ERG: variants seen among roughly 807,000 people sequenced by gnomAD.
ERG encodes the protein transcriptional regulator ERG.
In ERG, 9 loss-of-function variants were observed where a neutral mutation model predicts 55.3. The observed-to-expected ratio is 0.16, with a 90% CI of 0.10 to 0.28. The LOEUF (loss-of-function observed/expected upper bound fraction) is 0.28. ERG is among the 10% of genes least tolerant of loss of function. The pLI is 1.00. For missense variants in ERG, 434 were observed against 631.6 expected (o/e 0.69, Z 3.35); for synonymous variants, 223 against 237.3 (o/e 0.94, Z 0.55).
intron 1 of ERG, among the ~76,000 whole-genome samples, chr21:38,633,514 A>T (rs948968460): frequency 6.6e-6 from 1 of 152,340 alleles, no homozygotes; most frequent in East Asian, 1.9e-4. Flanking sequence ...CTCAAATGTC[A>T]TCGTTATCAA....
chr21:38,401,989 A>G (rs766816341), intron 5 of ERG, among the ~76,000 whole-genome samples: 5 of 152,250 alleles, frequency 3.3e-5, no homozygotes, highest in Non-Finnish European at 7.3e-5. Flanking sequence ...CTCCAAAATT[A>G]TAGCAGAGGT....
intron 2 of ERG, among the ~76,000 whole-genome samples, chr21:38,558,013 T>C (rs116787686): frequency 0.012 from 1,788 of 152,194 alleles, 42 homozygotes; most frequent in African/African-American, 0.041. Context: ...TTTAATTTTA[T>C]CATCTTTTGC....
chr21:38,483,309 T>C (rs1230448297), intron 1 of ERG, among the ~76,000 whole-genome samples: 1 of 152,192 alleles, frequency 6.6e-6, no homozygotes, highest in East Asian at 1.9e-4. Flanking sequence ...AAAAAAAGAA[T>C]GTGTAACCAT....
intron 1 of ERG, among the ~76,000 whole-genome samples, chr21:38,590,853 C>G (rs1214443342): frequency 6.6e-6 from 1 of 152,238 alleles, no homozygotes; most frequent in Non-Finnish European, 1.5e-5. Context: ...CCAACTCCCC[C>G]ATTGCCTTGC....
At chr21:38,582,973 T>A (rs2060039468) in intron 1 of ERG, among the ~76,000 whole-genome samples, 3 of 152,378 alleles carry the variant, frequency 2.0e-5, no homozygotes, top group Admixed American at 2.0e-4. Context: ...CTAATTTTCA[T>A]AAGAGCCCTT....
chr21:38,559,774 C>T (rs192070797), intron 2 of ERG, among the ~76,000 whole-genome samples: 4 of 152,278 alleles, frequency 2.6e-5, no homozygotes, highest in Non-Finnish European at 5.9e-5. Flanking sequence ...CCCTGCCTCC[C>T]GGGTTCAAGT....
chr21:38,423,680 A>T, intron 2 of ERG, 119 bp from the exon 3 acceptor site: 1 of 1,132,024 alleles, frequency 8.8e-7, no homozygotes, highest in Non-Finnish European at 1.2e-6. Context: ...TGGGGGAGAA[A>T]GGACAAGTGT....
chr21:38,619,085 C>T (rs556132778), intron 1 of ERG, among the ~76,000 whole-genome samples: 7 of 152,262 alleles, frequency 4.6e-5, no homozygotes, highest in African/African-American at 1.7e-4. Flanking sequence ...TCATTGTGAC[C>T]TACCACCATC....
At chr21:38,640,654 T>G (rs1037454556) in intron 1 of ERG, among the ~76,000 whole-genome samples, 1 of 152,228 alleles carries the variant, frequency 6.6e-6, no homozygotes, top group African/African-American at 2.4e-5. Context: ...CTGCCATGAT[T>G]GTGAGGCCTC....
intron 1 of ERG, among the ~76,000 whole-genome samples, chr21:38,642,072 C>T (rs986821593): frequency 1.3e-5 from 2 of 152,230 alleles, no homozygotes; most frequent in East Asian, 1.9e-4. Context: ...CAGAGACATA[C>T]GATGGAATAC....
downstream of ERG, among the ~76,000 whole-genome samples, chr21:38,376,354 A>G (rs942559844): frequency 3.3e-5 from 5 of 152,134 alleles, no homozygotes; most frequent in Non-Finnish European, 7.4e-5. Flanking sequence ...ACGGACACTC[A>G]GTTGTTACTC....
At chr21:38,655,490 G>A (rs556353543) in intron 1 of ERG, among the ~76,000 whole-genome samples, 1 of 152,300 alleles carries the variant, frequency 6.6e-6, no homozygotes, top group South Asian at 2.1e-4. Context: ...ATTGCAAATG[G>A]ATAATTAGCT....
At chr21:38,604,360 T>C (rs895125778) in intron 1 of ERG, among the ~76,000 whole-genome samples, 2 of 151,970 alleles carry the variant, frequency 1.3e-5, no homozygotes, top group Non-Finnish European at 2.9e-5. Flanking sequence ...ACATCTATTA[T>C]GGAATAAATA....
intron 1 of ERG, among the ~76,000 whole-genome samples, chr21:38,579,027 G>A (rs551688878): frequency 1.3e-5 from 2 of 152,118 alleles, no homozygotes; most frequent in South Asian, 4.2e-4. Flanking sequence ...CCCTAATCCT[G>A]CCCTCAAAAT....
chr21:38,381,606 A>T lies in ERG; in HGVS notation c.*1797T>A. 9.4e-7 allele frequency: 1 copy of T among 1,063,230 alleles called. No individual in the cohort carries two copies. The highest frequency in any genetic ancestry group is 1.6e-5 in the African/African-American group (1 of 61,070). 65.9% of individuals were successfully genotyped at this position (1,063,230 alleles called of 1,614,324 possible). On this transcript the variant is annotated 3_prime_UTR_variant, in exon 10 of 10. Coordinates refer to ENST00000288319, the MANE Select transcript of ERG (RefSeq NM_182918.4). ...AAATTGCAGCTATCCATGACGCTTT[A>T]TTTGCCAGTAATAATACAGTTTGCC... is the stretch of plus-strand genomic sequence containing the variant.
chr21:38,605,699 A>G (rs891105426), intron 1 of ERG, among the ~76,000 whole-genome samples: 9 of 152,230 alleles, frequency 5.9e-5, no homozygotes, highest in African/African-American at 2.2e-4. Context: ...GAGAAGCAGG[A>G]GAGCAAAGAC....
chr21:38,498,477 T>A lies in ERG; in HGVS notation c.-97A>T. 6.5e-7 allele frequency: 1 copy of A among 1,536,398 alleles called. No individual in the cohort carries two copies. Among genetic ancestry groups the A allele is most frequent in the Admixed American group, 2.0e-5 (1 of 49,432 alleles). On this transcript the variant is annotated 5_prime_UTR_variant, in exon 1 of 10. Transcript: ENST00000288319. The surrounding 1 kb of genome is among the most constrained non-coding windows in gnomAD (Gnocchi z 4.6). ...TTTTGATGAGGTTGTTTAGAGCGGA[T>A]GAGATTGTGCTAAGTCTGGGAAATG...
In ERG at chr21:38,460,547, C is replaced by T. The variant is rs895754489; in HGVS notation, c.19-14926G>A. ...CAGCCATCCTTTGTCCCACATGCAA[C>T]GGGAACTTCCATTCATCATCACATG... On this transcript the variant is annotated intron_variant, in intron 1 of 9. Coordinates refer to ENST00000288319, the MANE Select transcript of ERG (RefSeq NM_182918.4). This position sits in a 1 kb window ranked among gnomAD's most constrained non-coding sequence, Gnocchi z 5.0. Among the ~76,000 whole-genome samples, 5 of 152,196 alleles carry T rather than the reference C, an allele frequency of 3.3e-5. No homozygotes were observed. Among genetic ancestry groups the T allele is most frequent in the African/African-American group, 4.8e-5 (2 of 41,434 alleles).
At chr21:38,377,524 A>G (rs1987275825), downstream of ERG, among the ~76,000 whole-genome samples, 1 of 152,270 alleles carries the variant, frequency 6.6e-6, no homozygotes, top group African/African-American at 2.4e-5. Flanking sequence ...AGTTTCAGTT[A>G]TATTCTTGCC....
Sources: allele counts gnomAD v4.1 joint callset (sites outside exome capture counted in the v4.1 genomes callset), GRCh38; gene constraint gnomAD v4.1.1; non-coding constraint Gnocchi (gnomAD v3.1); transcripts MANE v1.5; gene names NCBI Gene and HGNC (gene_info 2026-07-23, HGNC 2026-07-21).